The following EMP1 variants were observed in gnomAD, a reference collection of about 807,000 sequenced individuals.
The protein encoded by EMP1 is tumor-associated membrane protein.
EMP1 carries 5 observed loss-of-function variants against 15.7 expected under a neutral mutation model. The ratio of observed to expected loss-of-function variants is 0.32; its 90% CI spans 0.17 to 0.67. EMP1 has a LOEUF of 0.67. Among genes scored for constraint, EMP1 ranks in the 30% least tolerant of loss-of-function variants. EMP1 has a pLI of 0.74. For synonymous variants in EMP1, 78 were observed against 76.7 expected (o/e 1.02, Z -0.09); for missense variants, 166 against 194.2 (o/e 0.85, Z 0.86).
chr12:13,207,509 A>T (rs1393998000), intron 1 of EMP1, among the ~76,000 whole-genome samples: 1 of 152,204 alleles, frequency 6.6e-6, no homozygotes, highest in Non-Finnish European at 1.5e-5. Flanking sequence ...CAGTGATCAG[A>T]AACAAAAGAT....
chr12:13,205,617 T>C (rs1298451421), intron 1 of EMP1, among the ~76,000 whole-genome samples: 1 of 152,250 alleles, frequency 6.6e-6, no homozygotes, highest in Non-Finnish European at 1.5e-5. Flanking sequence ...CATTTATTTG[T>C]TCATTGAACA....
At chr12:13,213,926 T>A in intron 4 of EMP1, 105 bp downstream of exon 4, 1 of 1,501,896 alleles carries the variant, frequency 6.7e-7, no homozygotes, top group Non-Finnish European at 9.2e-7. Flanking sequence ...TGAAACTTCC[T>A]TGTGCAATTT....
At chr12:13,206,978 G>A (rs917021802) in intron 1 of EMP1, among the ~76,000 whole-genome samples, 1 of 151,686 alleles carries the variant, frequency 6.6e-6, no homozygotes, top group Non-Finnish European at 1.5e-5. Context: ...GTAAGAGGGA[G>A]GCAAGAAGCC....
intron 1 of EMP1, chr12:13,209,491 T>C (rs916380090): frequency 2.6e-5 from 4 of 152,180 alleles, no homozygotes; most frequent in Admixed American, 2.0e-4. Flanking sequence ...AGCCTAGCGA[T>C]TGAGTAACTG....
At chr12:13,200,178 C>T (rs1864051922) in intron 1 of EMP1, among the ~76,000 whole-genome samples, 1 of 152,152 alleles carries the variant, frequency 6.6e-6, no homozygotes, top group Non-Finnish European at 1.5e-5. Context: ...CTCAGATGTA[C>T]ATACTCGGAG....
Position 13,218,053 on chromosome 12 carries a change from G to T in EMP1, c.*3362G>T, listed in dbSNP as rs1468444818. On this transcript the variant is annotated 3_prime_UTR_variant, in exon 5 of 5. Transcript: ENST00000256951. ...GTAAATACTCTTAGGTGAAATTTGT[G>T]CAAATTATGAGTATAAAGAGGGTGA... 2.6e-5 allele frequency: 4 copies of T among 152,168 alleles called. No individual in the cohort carries two copies. The highest frequency in any genetic ancestry group is 4.4e-5 in the Non-Finnish European group (3 of 68,032). 9.4% of individuals were successfully genotyped at this position (152,168 alleles called of 1,614,324 possible).
At chr12:13,205,306 C>G (rs1041506741) in intron 1 of EMP1, among the ~76,000 whole-genome samples, 6 of 152,114 alleles carry the variant, frequency 3.9e-5, no homozygotes, top group Admixed American at 1.3e-4. Flanking sequence ...TCCTCTTGAA[C>G]AAAAGGCAAC....
At chr12:13,199,441 A>G (rs1864044116) in intron 1 of EMP1, 1 of 152,316 alleles carries the variant, frequency 6.6e-6, no homozygotes, top group Non-Finnish European at 1.5e-5. Context: ...AGACCGGGGA[A>G]AACTTGTGGA....
rs1000297565 is a variant in EMP1, at chr12:13,211,391, G to A, written c.-42-78G>A. ...CAGCTCTTCCTCATGTTAGCAGATA[G>A]CCCACACGTGTGGGAAAGCTGAGTC... On this transcript the variant is annotated intron_variant, in intron 1 of 4. Coordinates refer to ENST00000256951, the MANE Select transcript of EMP1 (RefSeq NM_001423.3). This position sits in a 1 kb window ranked among gnomAD's most constrained non-coding sequence, Gnocchi z 4.7. The A allele has an allele frequency of 3.3e-6, 3 of 922,420 alleles. No homozygotes were observed. The highest frequency in any genetic ancestry group is 5.2e-6 in the Non-Finnish European group (3 of 573,164). 57.1% of individuals were successfully genotyped at this position (922,420 alleles called of 1,614,324 possible). A position where few individuals can be genotyped will look rare whatever the true frequency, so the allele number is the denominator to read the frequency against.
chr12:13,201,568 G>A (rs757376920), intron 1 of EMP1, among the ~76,000 whole-genome samples: 24 of 152,272 alleles, frequency 1.6e-4, no homozygotes, highest in African/African-American at 2.2e-4. Context: ...ATAGGGCAAC[G>A]TGTGGCATTG....
chr12:13,202,502 G>A (rs940134115), intron 1 of EMP1, among the ~76,000 whole-genome samples: 10 of 152,148 alleles, frequency 6.6e-5, no homozygotes, highest in Non-Finnish European at 1.3e-4. Flanking sequence ...AACTAGTTTG[G>A]GGCAAGGCAG....
Position 13,211,780 on chromosome 12 carries a change from G to A in EMP1, c.78+192G>A. 1 of 622,828 alleles carries A rather than the reference G, an allele frequency of 1.6e-6. No homozygotes were observed. The highest frequency in any genetic ancestry group is 2.0e-5 in the South Asian group (1 of 50,196). 38.6% of individuals were successfully genotyped at this position (622,828 alleles called of 1,614,324 possible). On this transcript the variant is annotated intron_variant, in intron 2 of 4. Transcript: ENST00000256951. This position sits in a 1 kb window ranked among gnomAD's most constrained non-coding sequence, Gnocchi z 4.7. ...GGAGGATAAAAGTGAATGTCCACAG[G>A]AGTAATCCTGCCAGAGCTGTAGGTG... is the stretch of plus-strand genomic sequence containing the variant.
Position 13,215,489 on chromosome 12 carries a change from A to T in EMP1, c.*798A>T, listed in dbSNP as rs1346611578. On this transcript the variant is annotated 3_prime_UTR_variant, in exon 5 of 5. Coordinates refer to ENST00000256951, the MANE Select transcript of EMP1 (RefSeq NM_001423.3). The stretch of plus-strand genomic sequence containing the variant: ...CACTAGTGAACAATTCGGTGGTAAA[A>T]GTACCACACAAACTATGGGATCCAA... 6.6e-6 allele frequency: 1 copy of T among 152,192 alleles called. No homozygotes were observed. The highest frequency in any genetic ancestry group is 2.4e-5 in the African/African-American group (1 of 41,422). The allele number at this position is 152,192 out of a possible 1,614,324, so 9.4% of individuals were successfully genotyped here.
chr12:13,197,125 G>C (rs536585514), intron 1 of EMP1, among the ~76,000 whole-genome samples: 1 of 152,182 alleles, frequency 6.6e-6, no homozygotes, highest in South Asian at 2.1e-4. Context: ...GGCTAAAATC[G>C]TGCCTGGCAG....
chr12:13,203,316 C>T (rs994506875), intron 1 of EMP1, among the ~76,000 whole-genome samples: 14 of 152,228 alleles, frequency 9.2e-5, no homozygotes, highest in African/African-American at 3.1e-4. Flanking sequence ...CTCACGCTTC[C>T]GTCCTCGCCC....
chr12:13,205,075 C>G (rs1021738236), intron 1 of EMP1, among the ~76,000 whole-genome samples: 1 of 152,122 alleles, frequency 6.6e-6, no homozygotes, highest in Non-Finnish European at 1.5e-5. Context: ...GGGAAGGGAT[C>G]CTGGTAGGTA....
chr12:13,208,776 C>T (rs150534438), intron 1 of EMP1, among the ~76,000 whole-genome samples: 4 of 152,310 alleles, frequency 2.6e-5, no homozygotes, highest in African/African-American at 4.8e-5. Flanking sequence ...GAAAGAGAGT[C>T]GCTCTTTTGC....
In EMP1 at chr12:13,215,766, C is replaced by T. The variant is rs1287951891; in HGVS notation, c.*1075C>T. The stretch of plus-strand genomic sequence containing the variant: ...AGTGATCACCTCTTGGGGACCCTGC[C>T]TATCCCACTTCACAGGTGAGGCATG... On this transcript the variant is annotated 3_prime_UTR_variant, in exon 5 of 5. Transcript: ENST00000256951. 1 of 153,330 alleles carries T rather than the reference C, an allele frequency of 6.5e-6. No homozygotes were observed. The highest frequency in any genetic ancestry group is 2.4e-5 in the African/African-American group (1 of 41,446). The allele number at this position is 153,330 out of a possible 1,614,324, so 9.5% of individuals were successfully genotyped here.
intron 1 of EMP1, among the ~76,000 whole-genome samples, chr12:13,207,032 A>C (rs555568357): frequency 6.6e-6 from 1 of 151,838 alleles, no homozygotes; most frequent in East Asian, 1.9e-4. Flanking sequence ...AGGTTTGGTT[A>C]TCCCTCTTTC....
Sources: allele counts gnomAD v4.1 joint callset (sites outside exome capture counted in the v4.1 genomes callset), GRCh38; gene constraint gnomAD v4.1.1; non-coding constraint Gnocchi (gnomAD v3.1); transcripts MANE v1.5; gene names NCBI Gene and HGNC (gene_info 2026-07-23, HGNC 2026-07-21).